The following MROH2A variants were observed in gnomAD, a reference collection of about 807,000 sequenced individuals.
MROH2A encodes the protein maestro heat-like repeat-containing protein family member 2A.
A neutral mutation model predicts 200.4 loss-of-function variants in MROH2A; 174 were observed. The observed-to-expected ratio is 0.87, with a 90% CI of 0.77 to 0.98. The LOEUF is 0.98. MROH2A is among the 50% of genes least tolerant of loss of function. The probability of loss-of-function intolerance (pLI) is 0.00; values close to 1 mark genes in which losing one functional copy is unlikely to be tolerated. For missense variants in MROH2A, 2,045 were observed against 2,139.6 expected (o/e 0.96, Z 0.87); for synonymous variants, 829 against 840.4 (o/e 0.99, Z 0.23).
rs375438524 is a variant in MROH2A, at chr2:233,789,777, G to C, written c.409-75G>C. The C allele has an allele frequency of 8.7e-6, 13 of 1,495,828 alleles. No individual in the cohort carries two copies. In the African/African-American group the frequency reaches 1.2e-4, roughly 14 times the overall value. The allele number at this position is 1,495,828 out of a possible 1,614,324, so 92.7% of individuals were successfully genotyped here. ...CCAAGGGAACCAGGAGGGGTGGAGA[G>C]AGCCTGGGGTAGGAAGGTTTTCCTG... On this transcript the variant is annotated intron_variant, in intron 4 of 41. Coordinates refer to ENST00000389758, the MANE Select transcript of MROH2A (RefSeq NM_001394639.1).
chr2:233,828,091 G>C lies in MROH2A; in HGVS notation c.4114-539G>C, dbSNP rs1328374731. 1.3e-5 allele frequency among the ~76,000 whole-genome samples: 2 copies of C among 152,146 alleles called. No homozygotes were observed. The highest frequency in any genetic ancestry group is 1.3e-4 in the Admixed American group (2 of 15,274). The stretch of plus-strand genomic sequence containing the variant: ...ATGGGGGTTTAAGGAACTAGATGTG[G>C]GGATAGTCAATAGATGCTCATTTCT... On this transcript the variant is annotated intron_variant, in intron 35 of 41. Transcript: ENST00000389758. The surrounding 1 kb of genome is among the most constrained non-coding windows in gnomAD (Gnocchi z 4.6).
chr2:233,796,389 A>G, intron 11 of MROH2A, 76 bp downstream of exon 11: 1 of 998,980 alleles, frequency 1.0e-6, no homozygotes, highest in South Asian at 1.6e-5. Context: ...GGCAAGTTTC[A>G]TTCATGTTCG....
intron 26 of MROH2A, among the ~76,000 whole-genome samples, chr2:233,815,845 C>CTTTTTTTTTTT (rs5839494): frequency 1.5e-5 from 2 of 129,246 alleles, no homozygotes; most frequent in African/African-American, 3.0e-5. Context: ...TTAGATTTTG[C>CTTTTTTTTTTT]TTTTTTTTTT....
intron 11 of MROH2A, 117 bp from the exon 12 acceptor site, chr2:233,798,657 T>C: frequency 1.4e-6 from 1 of 715,858 alleles, no homozygotes; most frequent in Admixed American, 2.2e-5. Flanking sequence ...CCTAAGAAAG[T>C]GCCCCTGAGC....
chr2:233,813,271 A>AGCTGCTGCTGCTGCT (rs895511669), intron 24 of MROH2A, among the ~76,000 whole-genome samples: 1 of 151,908 alleles, frequency 6.6e-6, no homozygotes. Context: ...TCCAAGGTGA[A>AGCTGCTGCTGCTGCT]GCTGCTGCTG....
rs1297430155 is a variant in MROH2A at position 233,795,575 on chromosome 2, C to T, written c.967-78C>T. On this transcript the variant is annotated intron_variant, in intron 8 of 41. Transcript: ENST00000389758. ...TGCTGGTGCTCAGTGGGTCAGTGGG[C>T]CCCTGAGTAGCGAGGGTCTAGAGTT... 9.0e-6 allele frequency: 14 copies of T among 1,547,040 alleles called. No individual in the cohort carries two copies. In the East Asian group the frequency reaches 9.8e-5, roughly 11 times the overall value.
At chr2:233,789,450 CT>C (rs1227782696) in intron 3 of MROH2A, 46 bp from the exon 4 acceptor site, 1 of 1,342,388 alleles carries the variant, frequency 7.4e-7, no homozygotes, top group Non-Finnish European at 9.6e-7. Flanking sequence ...TGGACTTGTG[CT>C]GGGGGCAGGG....
At chr2:233,814,508 A>G (rs1418671673) in intron 25 of MROH2A, 74 bp from the exon 26 acceptor site, 2 of 1,050,398 alleles carry the variant, frequency 1.9e-6, no homozygotes, top group African/African-American at 3.2e-5. Context: ...CCTCCCTGGC[A>G]TGAACTCCCT....
chr2:233,814,529 G>A, intron 25 of MROH2A, 53 bp from the exon 26 acceptor site: 1 of 1,324,908 alleles, frequency 7.5e-7, no homozygotes. Context: ...GCAGGGAGGG[G>A]GGTTGTGGGT....
chr2:233,801,331 G>A (rs1021651588), intron 14 of MROH2A, among the ~76,000 whole-genome samples: 1 of 151,972 alleles, frequency 6.6e-6, no homozygotes, highest in Non-Finnish European at 1.5e-5. Flanking sequence ...GGGGTGGGGT[G>A]GAGAGGGATT....
intron 3 of MROH2A, among the ~76,000 whole-genome samples, chr2:233,786,361 C>A (rs1294784276): frequency 6.6e-6 from 1 of 152,212 alleles, no homozygotes; most frequent in Non-Finnish European, 1.5e-5. Context: ...TGTGTGACTG[C>A]CCTCTCACTG....
Position 233,828,455 on chromosome 2 carries a change from C to T in MROH2A, c.4114-175C>T. ...TCCTTATTAAATCCCCACACAGACC[C>T]TGAGGCAGGTACTAGCATCACCCGC... On this transcript the variant is annotated intron_variant, in intron 35 of 41. Coordinates refer to ENST00000389758, the MANE Select transcript of MROH2A (RefSeq NM_001394639.1). The surrounding 1 kb of genome is among the most constrained non-coding windows in gnomAD (Gnocchi z 4.6). The T allele has an allele frequency of 1.5e-6, 1 of 673,526 alleles. No homozygotes were observed. The highest frequency in any genetic ancestry group is 2.5e-6 in the Non-Finnish European group (1 of 396,570). 41.7% of individuals were successfully genotyped at this position (673,526 alleles called of 1,614,324 possible). A position where few individuals can be genotyped will look rare whatever the true frequency, so the allele number is the denominator to read the frequency against.
rs184031469 is a variant in MROH2A at position 233,819,773 on chromosome 2, G to A, written c.3358-129G>A. 87 of 1,035,126 alleles carry A rather than the reference G, an allele frequency of 8.4e-5. 1 individual carries two copies. The Admixed American group carries it at 2.5e-3, about 29-fold the overall frequency. 64.1% of individuals were successfully genotyped at this position (1,035,126 alleles called of 1,614,324 possible). ...GAGACCAGAGGATGCACTAGAGAGG[G>A]TGCTGGGCGCTTAACCTCCCCATTG... On this transcript the variant is annotated intron_variant, in intron 30 of 41. Coordinates refer to ENST00000389758, the MANE Select transcript of MROH2A (RefSeq NM_001394639.1).
intron 8 of MROH2A, among the ~76,000 whole-genome samples, chr2:233,794,781 G>T (rs1702001388): frequency 6.6e-6 from 1 of 152,186 alleles, no homozygotes; most frequent in Admixed American, 6.5e-5. Context: ...TGTTAGGGTT[G>T]CTGTAACAAA....
chr2:233,802,001 G>A (rs28900433), intron 14 of MROH2A, among the ~76,000 whole-genome samples, 167 bp from the exon 15 acceptor site: 12,153 of 152,238 alleles, frequency 0.08, 911 homozygotes, highest in African/African-American at 0.19. Flanking sequence ...AAATGCCCCT[G>A]ACAAAGACTG....
Position 233,827,773 on chromosome 2 carries a change from T to C in MROH2A, c.4114-857T>C, listed in dbSNP as rs1023133509. 2.6e-5 allele frequency among the ~76,000 whole-genome samples: 4 copies of C among 151,574 alleles called. No homozygotes were observed. The Admixed American group carries it at 2.6e-4, about 10-fold the overall frequency. ...AGGTTCAGGTTTAAGAAGCAAGCTA[T>C]TTAAATTCTTCAAATTTGATAGGGA... On this transcript the variant is annotated intron_variant, in intron 35 of 41. Transcript: ENST00000389758.
At position 233,798,804 on chromosome 2, in the gene MROH2A, T is replaced by A. The variant is rs369781271; in HGVS notation, c.1283T>A (p.Leu428Gln). ...EPRMSIRAIY[L>Q]AIRVVKNTIS... Reference sequence around the variant, plus strand: ...AGGATGAGTATCAGGGCCATCTACCTGGCTATCCGGGTAGTCAAGAACACC... The same window carrying A: ...AGGATGAGTATCAGGGCCATCTACCAGGCTATCCGGGTAGTCAAGAACACC... Residue 428 changes from leucine (L) to glutamine (Q), a missense_variant, in exon 12 of 42, where the codon CTG becomes CAG. Transcript: ENST00000389758. 115 of 1,550,468 alleles carry A rather than the reference T, an allele frequency of 7.4e-5. No individual in the cohort carries two copies. The highest frequency in any genetic ancestry group is 7.0e-4 in the South Asian group (59 of 84,056).
chr2:233,829,028 T>C lies in MROH2A; in HGVS notation c.4402T>C (p.Ser1468Pro), dbSNP rs1393702208. Residue 1468 changes from serine (S) to proline (P), a missense_variant, in exon 37 of 42, where the codon TCT becomes CCT. Coordinates refer to ENST00000389758, the MANE Select transcript of MROH2A (RefSeq NM_001394639.1). ...GCTCCGGGAAGGGGATGTGGGGTCC[T>C]CTTTCGACGCCATGTCTGAGCAGTG... ...AELREGDVGS[S>P]FDAMSEQCRI... 3.2e-6 allele frequency: 5 copies of C among 1,548,802 alleles called. No homozygotes were observed. Among genetic ancestry groups the C allele is most frequent in the Non-Finnish European group, 3.5e-6 (4 of 1,146,186 alleles).
intron 3 of MROH2A, among the ~76,000 whole-genome samples, chr2:233,781,494 T>C (rs1239570675): frequency 1.3e-5 from 2 of 152,150 alleles, no homozygotes; most frequent in African/African-American, 2.4e-5. Context: ...ATTAGTGAGG[T>C]TGAGCATTTT....
Sources: gnomAD v4.1 joint callset for allele counts (sites outside exome capture counted in the v4.1 genomes callset) on GRCh38, gnomAD v4.1.1 for gene constraint, Gnocchi (gnomAD v3.1) non-coding constraint, MANE v1.5 for transcripts, NCBI Gene and HGNC (gene_info 2026-07-23, HGNC 2026-07-21) for gene names.